Variants in MINDY4 observed in about 807,000 individuals in gnomAD.
MINDY4 encodes the protein probable ubiquitin carboxyl-terminal hydrolase MINDY-4.
MINDY4 carries 68 observed loss-of-function variants against 87.0 expected under a neutral mutation model. The observed-to-expected ratio is 0.78, with a 90% CI of 0.64 to 0.96. The LOEUF is 0.96. Ranked by LOEUF, MINDY4 falls within the 40% of genes least tolerant of loss-of-function variation. The probability of loss-of-function intolerance (pLI) is 0.00; values close to 1 mark genes in which losing one functional copy is unlikely to be tolerated. For synonymous variants in MINDY4, 379 were observed against 363.2 expected (o/e 1.04, Z -0.50); for missense variants, 919 against 928.2 (o/e 0.99, Z 0.13).
Position 30,785,959 on chromosome 7 carries a change from C to T in MINDY4, c.630C>T (p.Gly210=), listed in dbSNP as rs12672184. The change falls in exon 4 of 18, where the codon GGC becomes GGT. Residue 210 remains glycine (G), a synonymous_variant. Coordinates refer to ENST00000265299, the MANE Select transcript of MINDY4 (RefSeq NM_032222.3). ...SRPKSGLIVR[G]MMSGPIASSP... Reference sequence around the variant, plus strand: ...CAAAGTCTGGTCTGATTGTGCGAGGCATGATGTCTGGGCCCATCGCCAGCT... The same window carrying T: ...CAAAGTCTGGTCTGATTGTGCGAGGTATGATGTCTGGGCCCATCGCCAGCT... 1.2e-6 allele frequency: 2 copies of T among 1,614,068 alleles called. No individual in the cohort carries two copies. Among genetic ancestry groups the T allele is most frequent in the Admixed American group, 1.7e-5 (1 of 60,010 alleles).
chr7:30,778,522 C>G lies in MINDY4; in HGVS notation c.154C>G (p.His52Asp). The G allele has an allele frequency of 6.2e-7, 1 of 1,614,218 alleles. No homozygotes were observed. Residue 52 changes from histidine to aspartate, a missense_variant, in exon 2 of 18, where the codon CAT becomes GAT. Coordinates refer to ENST00000265299, the MANE Select transcript of MINDY4 (RefSeq NM_032222.3). ...NNRNDLRKVL[H>D]LEFLYKENKA... ...CAGAAATGATCTTCGAAAGGTTTTG[C>G]ATCTTGAATTTCTCTATAAGGAGAA...
At chr7:30,828,830 TC>T in intron 6 of MINDY4, 93 bp downstream of exon 6, 1 of 1,187,962 alleles carries the variant, frequency 8.4e-7, no homozygotes, top group Non-Finnish European at 1.2e-6. Context: ...GGGGCCCCTT[TC>T]CTTCCACCTG....
At chr7:30,797,422 C>T (rs1787522377) in intron 5 of MINDY4, among the ~76,000 whole-genome samples, 1 of 152,202 alleles carries the variant, frequency 6.6e-6, no homozygotes, top group African/African-American at 2.4e-5. Flanking sequence ...GCCAGGAAAA[C>T]CTACCAGAGA....
chr7:30,845,119 G>A (rs1358031334), intron 9 of MINDY4, among the ~76,000 whole-genome samples: 2 of 152,198 alleles, frequency 1.3e-5, no homozygotes, highest in Non-Finnish European at 2.9e-5. Context: ...GCCCAGGGAG[G>A]CCAGGAGGAA....
At chr7:30,866,558 G>A (rs1011353026) in intron 13 of MINDY4, among the ~76,000 whole-genome samples, 6 of 152,228 alleles carry the variant, frequency 3.9e-5, no homozygotes, top group African/African-American at 1.4e-4. Context: ...AGACCAGTGT[G>A]TGAAAAGCAG....
At position 30,778,002 on chromosome 7, in the gene MINDY4, G is replaced by A. The variant is rs13229956; in HGVS notation, c.64-430G>A. The stretch of plus-strand genomic sequence containing the variant: ...TCCCAGAGTCATGGACTCACAGTTT[G>A]GGATGGTTACAGCCCCCACCTGTGA... On this transcript the variant is annotated intron_variant, in intron 1 of 17. Transcript: ENST00000265299. Among the ~76,000 whole-genome samples the A allele has an allele frequency of 4.4e-3, 676 of 152,264 alleles. 4 individuals are homozygous for A. The highest frequency in any genetic ancestry group is 8.4e-3 in the Non-Finnish European group (574 of 68,008).
chr7:30,832,099 C>G (rs1174264293), intron 6 of MINDY4, among the ~76,000 whole-genome samples: 1 of 152,168 alleles, frequency 6.6e-6, no homozygotes, highest in Non-Finnish European at 1.5e-5. Flanking sequence ...CTGTAGAAGC[C>G]AAAGGAGTTT....
intron 5 of MINDY4, among the ~76,000 whole-genome samples, chr7:30,813,694 T>A (rs1788072691): frequency 6.6e-6 from 1 of 152,152 alleles, no homozygotes; most frequent in Non-Finnish European, 1.5e-5. Context: ...TAGCCCAGGG[T>A]GTACTTGTCC....
intron 9 of MINDY4, among the ~76,000 whole-genome samples, chr7:30,848,642 C>G (rs1789301588): frequency 6.6e-6 from 1 of 152,186 alleles, no homozygotes; most frequent in African/African-American, 2.4e-5. Flanking sequence ...GAACCGTGAC[C>G]TGGGCCAGTG....
intron 16 of MINDY4, 107 bp downstream of exon 16, chr7:30,882,468 C>A: frequency 1.0e-6 from 1 of 993,910 alleles, no homozygotes; most frequent in Admixed American, 3.1e-5. Flanking sequence ...TGACAGAGAG[C>A]AGTGCAGACT....
intron 5 of MINDY4, among the ~76,000 whole-genome samples, chr7:30,822,109 G>A (rs573504232): frequency 9.4e-4 from 143 of 151,740 alleles, no homozygotes; most frequent in Admixed American, 8.9e-3. Context: ...TTCAGCATGC[G>A]TCTCCTAAGG....
intron 11 of MINDY4, 89 bp from the exon 12 acceptor site, chr7:30,853,305 G>C (rs1332938155): frequency 7.3e-6 from 8 of 1,094,200 alleles, no homozygotes; most frequent in African/African-American, 3.1e-5. Flanking sequence ...GGATTTTGTA[G>C]CTACTAAAGC....
At chr7:30,813,550 C>T (rs903643802) in intron 5 of MINDY4, among the ~76,000 whole-genome samples, 5 of 152,170 alleles carry the variant, frequency 3.3e-5, no homozygotes, top group South Asian at 2.1e-4. Context: ...GGCAAGAGGC[C>T]GTAACCCCAG....
intron 2 of MINDY4, 148 bp downstream of exon 2, chr7:30,778,699 T>A: frequency 1.1e-6 from 1 of 905,758 alleles, no homozygotes; most frequent in South Asian, 1.6e-5. Context: ...CCCCCAAATG[T>A]GGACAGATCC....
intron 6 of MINDY4, among the ~76,000 whole-genome samples, chr7:30,835,223 A>G (rs1446870008): frequency 6.6e-6 from 1 of 152,216 alleles, no homozygotes; most frequent in African/African-American, 2.4e-5. Flanking sequence ...AGGCCTCACA[A>G]TCATGGCAGA....
chr7:30,784,177 G>A (rs544459926), intron 3 of MINDY4, among the ~76,000 whole-genome samples: 2 of 151,992 alleles, frequency 1.3e-5, no homozygotes, highest in African/African-American at 4.8e-5. Flanking sequence ...TTCCTCCGAG[G>A]CACTTACTAC....
At chr7:30,822,364 T>A (rs756838754) in intron 5 of MINDY4, among the ~76,000 whole-genome samples, 1 of 151,956 alleles carries the variant, frequency 6.6e-6, no homozygotes, top group Non-Finnish European at 1.5e-5. Flanking sequence ...AGAGACAGGG[T>A]TTTGCCATGT....
chr7:30,884,815 G>A (rs1195129349), intron 17 of MINDY4, among the ~76,000 whole-genome samples: 2 of 152,204 alleles, frequency 1.3e-5, no homozygotes, highest in Admixed American at 6.5e-5. Flanking sequence ...GTTTGAGATC[G>A]ACCTGGGGCC....
At chr7:30,821,484 A>C (rs1788328195) in intron 5 of MINDY4, among the ~76,000 whole-genome samples, 1 of 152,150 alleles carries the variant, frequency 6.6e-6, no homozygotes, top group Admixed American at 6.5e-5. Flanking sequence ...GTTTATAGGT[A>C]ATCTGCCTTT....
Sources: gnomAD v4.1 joint callset for allele counts (sites outside exome capture counted in the v4.1 genomes callset) on GRCh38, gnomAD v4.1.1 for gene constraint, MANE v1.5 for transcripts, NCBI Gene and HGNC (gene_info 2026-07-23, HGNC 2026-07-21) for gene names.